EP300: variants seen among roughly 807,000 people sequenced by gnomAD.
The protein encoded by EP300 is histone acetyltransferase p300.
Under a neutral mutation model 264.0 loss-of-function variants are expected in EP300, and 31 were observed. The observed-to-expected ratio is 0.12, with a 90% CI of 0.09 to 0.16. The LOEUF is 0.16. Ranked by LOEUF, EP300 falls within the 10% of genes least tolerant of loss-of-function variation. The pLI is 1.00. For missense variants in EP300, 2,766 were observed against 3,052.9 expected (o/e 0.91, Z 2.21); for synonymous variants, 1,340 against 1,045.4 (o/e 1.28, Z -5.44).
Position 41,180,036 on chromosome 22 carries a change from TTTC to T in EP300, c.*1083_*1085del, listed in dbSNP as rs561433394. On this transcript the variant is annotated 3_prime_UTR_variant, in exon 31 of 31. Transcript: ENST00000263253. ...TCACTGTATAGACTGTTAAATTTGA[TTTC>T]TTATTACCTATTGTTAAATAAACTG... 8.7e-4 allele frequency: 201 copies of T among 231,416 alleles called. No homozygotes were observed. Among genetic ancestry groups the T allele is most frequent in the African/African-American group, 4.3e-3 (193 of 45,344 alleles). The allele number at this position is 231,416 out of a possible 1,614,324, so 14.3% of individuals were successfully genotyped here.
intron 3 of EP300, 142 bp from the exon 4 acceptor site, chr22:41,127,345 A>T (rs770140800): frequency 7.3e-5 from 75 of 1,022,482 alleles, no homozygotes; most frequent in Middle Eastern, 5.5e-4. Context: ...GCCATGGTTT[A>T]TGCATTCCCT....
rs775069230 is a variant in EP300 at position 41,152,358 on chromosome 22, T to C, written c.3142+8T>C. 5.0e-6 allele frequency: 8 copies of C among 1,611,504 alleles called. No individual in the cohort carries two copies. The Admixed American group carries it at 1.2e-4, about 24-fold the overall frequency. On this transcript the variant is annotated splice_region_variant and intron_variant, in intron 16 of 30. Coordinates refer to ENST00000263253, the MANE Select transcript of EP300 (RefSeq NM_001429.4). ...GACAGTCAAAGAAAAAGAGTGAGTC[T>C]CTGAAGCCATTCGTTCTGGAGGTAG...
chr22:41,100,278 G>A (rs889929693), intron 1 of EP300, among the ~76,000 whole-genome samples: 1 of 152,120 alleles, frequency 6.6e-6, no homozygotes. Context: ...AGTTTTCTTT[G>A]TAATATTTTT....
intron 2 of EP300, among the ~76,000 whole-genome samples, chr22:41,118,256 G>T (rs911805501): frequency 6.6e-6 from 1 of 152,148 alleles, no homozygotes; most frequent in Admixed American, 6.5e-5. Flanking sequence ...TTCTTTATTG[G>T]TTGATGGAAA....
intron 1 of EP300, among the ~76,000 whole-genome samples, chr22:41,112,334 C>A (rs975223592): frequency 6.6e-6 from 1 of 152,044 alleles, no homozygotes; most frequent in Non-Finnish European, 1.5e-5. Context: ...GGACTACAGG[C>A]GCCTGCCACC....
chr22:41,145,699 C>T (rs2059006729), intron 10 of EP300, among the ~76,000 whole-genome samples: 2 of 152,332 alleles, frequency 1.3e-5, no homozygotes, highest in East Asian at 3.9e-4. Context: ...TCTCAGCTTA[C>T]TGCAAGCTCC....
At chr22:41,160,863 T>C (rs1399363964) in intron 20 of EP300, 141 bp downstream of exon 20, 2 of 772,014 alleles carry the variant, frequency 2.6e-6, no homozygotes, top group Non-Finnish European at 4.4e-6. Flanking sequence ...TGCATATTAA[T>C]TTAAATAAAA....
rs747042929 is a variant in EP300, at chr22:41,093,082, C to G, written c.78C>G (p.Ser26=). ...TCTCATCTCCGGCCCTCTCGGCGTC[C>G]GCCAGCGATGGCACAGGTTAGTTTC... ...PKLSSPALSA[S]ASDGTDFGSL... Residue 26 remains serine, a synonymous_variant, in exon 1 of 31, where the codon TCC becomes TCG. Coordinates refer to ENST00000263253, the MANE Select transcript of EP300 (RefSeq NM_001429.4). 1.2e-6 allele frequency: 2 copies of G among 1,614,008 alleles called. No individual in the cohort carries two copies. Among genetic ancestry groups the G allele is most frequent in the Non-Finnish European group, 1.7e-6 (2 of 1,180,038 alleles).
In EP300 at chr22:41,176,227, A is replaced by G; in HGVS notation, c.4780-20A>G. 1 of 1,614,092 alleles carries G rather than the reference A, an allele frequency of 6.2e-7. No homozygotes were observed. Reference sequence around the variant, plus strand: ...AGAGCGAGGCCCTGTCTCAAAAAAAAGAGACTGTCTGTTTTTCAGGTCTTC... The same window carrying G: ...AGAGCGAGGCCCTGTCTCAAAAAAAGGAGACTGTCTGTTTTTCAGGTCTTC... On this transcript the variant is annotated intron_variant, in intron 29 of 30. Coordinates refer to ENST00000263253, the MANE Select transcript of EP300 (RefSeq NM_001429.4).
intron 1 of EP300, among the ~76,000 whole-genome samples, chr22:41,097,610 G>T (rs2058709291): frequency 6.6e-6 from 1 of 152,134 alleles, no homozygotes; most frequent in Admixed American, 6.5e-5. Flanking sequence ...AACAATTTGA[G>T]AGTTATTCTG....
At chr22:41,141,876 C>T (rs1207548457) in intron 10 of EP300, among the ~76,000 whole-genome samples, 2 of 152,068 alleles carry the variant, frequency 1.3e-5, no homozygotes, top group African/African-American at 4.8e-5. Flanking sequence ...AGGGTTTTGC[C>T]ATGTTGGCCT....
At chr22:41,099,630 A>G (rs778393544) in intron 1 of EP300, among the ~76,000 whole-genome samples, 3 of 152,020 alleles carry the variant, frequency 2.0e-5, no homozygotes, top group Non-Finnish European at 2.9e-5. Context: ...TCCGCATACA[A>G]TTTTTTTTCA....
At chr22:41,145,053 T>C (rs1305091614) in intron 10 of EP300, among the ~76,000 whole-genome samples, 2 of 152,224 alleles carry the variant, frequency 1.3e-5, no homozygotes, top group Non-Finnish European at 2.9e-5. Context: ...AAAACAGTTT[T>C]ACTTGGTATT....
chr22:41,092,974 T>G lies in EP300; in HGVS notation c.-31T>G. The stretch of plus-strand genomic sequence containing the variant: ...AAGAGATTTCCTGAGGATTCTGGTT[T>G]TCCTCGCTTGTATCTCCGAAAGAAT... On this transcript the variant is annotated 5_prime_UTR_variant, in exon 1 of 31. Coordinates refer to ENST00000263253, the MANE Select transcript of EP300 (RefSeq NM_001429.4). 1 of 1,613,240 alleles carries G rather than the reference T, an allele frequency of 6.2e-7. No individual in the cohort carries two copies. Among genetic ancestry groups the G allele is most frequent in the South Asian group, 1.1e-5 (1 of 91,068 alleles).
chr22:41,178,904 A>G lies in EP300; in HGVS notation c.7193A>G (p.Asp2398Gly), dbSNP rs761212935. ...ASATDLGLST[D>G]NSDLNSNLSQ... Reference sequence around the variant, plus strand: ...GCCACGGACCTGGGACTCAGCACCGATAACTCAGACTTGAATTCAAACCTC... The same window carrying G: ...GCCACGGACCTGGGACTCAGCACCGGTAACTCAGACTTGAATTCAAACCTC... Residue 2398 changes from aspartate to glycine, a missense_variant, in exon 31 of 31, where the codon GAT (aspartate) becomes GGT (glycine). Physicochemically the swap from Asp to Gly is moderately conservative, Grantham distance 94. Coordinates refer to ENST00000263253, the MANE Select transcript of EP300 (RefSeq NM_001429.4). 3.1e-6 allele frequency: 5 copies of G among 1,614,132 alleles called. No homozygotes were observed. Among genetic ancestry groups the G allele is most frequent in the African/African-American group, 2.7e-5 (2 of 74,954 alleles).
rs200851376 is a variant in EP300, at chr22:41,131,583, A to G, written c.1478A>G (p.Asn493Ser). The G allele has an allele frequency of 1.5e-5, 25 of 1,614,040 alleles. No homozygotes were observed. Among genetic ancestry groups the G allele is most frequent in the Non-Finnish European group, 2.1e-5 (25 of 1,180,034 alleles). ...CAGGTGCAAGCAAAGAACCAGCAGA[A>G]TCAGCAGCCTGGGCAGTCTCCCCAA... ...QPQVQAKNQQ[N>S]QQPGQSPQGM... Residue 493 changes from asparagine to serine, a missense_variant, in exon 6 of 31, where the codon AAT becomes AGT. By Grantham distance (46) the Asn-to-Ser change is conservative. Coordinates refer to ENST00000263253, the MANE Select transcript of EP300 (RefSeq NM_001429.4).
At chr22:41,172,463 A>G (rs764054864) in intron 27 of EP300, 36 bp from the exon 28 acceptor site, 2 of 1,552,994 alleles carry the variant, frequency 1.3e-6, no homozygotes, top group Admixed American at 1.7e-5. Flanking sequence ...TTAAAAGAAC[A>G]TAGAAATTCC....
rs1039568620 is a variant in EP300, at chr22:41,169,582, C to T, written c.4252C>T (p.Leu1418=). Residue 1418 remains leucine (L), a synonymous_variant, in exon 26 of 31, where the codon CTA becomes TTA. Coordinates refer to ENST00000263253, the MANE Select transcript of EP300 (RefSeq NM_001429.4). ...CLRTAVYHEI[L]IGYLEYVKKL... ...GAGGACTGCAGTCTATCATGAAATC[C>T]TAATTGGATATTTAGAATATGTCAA... The T allele has an allele frequency of 3.1e-6, 5 of 1,607,914 alleles. No homozygotes were observed. In the African/African-American group the frequency reaches 4.0e-5, roughly 13 times the overall value.
At chr22:41,145,128 T>TA (rs1432460727) in intron 10 of EP300, among the ~76,000 whole-genome samples, 1 of 152,256 alleles carries the variant, frequency 6.6e-6, no homozygotes, top group African/African-American at 2.4e-5. Context: ...AAAAAAAAGT[T>TA]ACTCATATCT....
Sources: gnomAD v4.1 joint callset for allele counts (sites outside exome capture counted in the v4.1 genomes callset) on GRCh38, gnomAD v4.1.1 for gene constraint, MANE v1.5 for transcripts, NCBI Gene and HGNC (gene_info 2026-07-23, HGNC 2026-07-21) for gene names.